NGRN: variants seen among roughly 807,000 people sequenced by gnomAD.
NGRN encodes the protein neugrin, neurite outgrowth associated.
NGRN carries 12 observed loss-of-function variants against 13.1 expected under a neutral mutation model. That is an observed-to-expected ratio of 0.92 (90% CI 0.59 to 1.49). NGRN has a LOEUF of 1.49. NGRN is among the 40% of genes most tolerant of loss of function. The pLI, the probability that NGRN is intolerant of heterozygous loss-of-function variation, is 0.00. For missense variants in NGRN, 397 were observed against 357.0 expected (o/e 1.11, Z -0.90); for synonymous variants, 149 against 145.8 (o/e 1.02, Z -0.16).
At position 90,271,465 on chromosome 15, in the gene NGRN, C is replaced by G; in HGVS notation, c.553C>G (p.Pro185Ala). 6.2e-7 allele frequency: 1 copy of G among 1,614,046 alleles called. No homozygotes were observed. Among genetic ancestry groups the G allele is most frequent in the South Asian group, 1.1e-5 (1 of 91,082 alleles). Reference protein sequence around the residue: ...MPGHEASSKDPNHSTALKVIE... With the variant: ...MPGHEASSKDANHSTALKVIE... ...AGGGCATGAAGCCTCATCTAAAGAC[C>G]CAAATCACAGCACAGCTTTGAAAGT... The change falls in exon 3 of 3, where the codon CCA (proline) becomes GCA (alanine). Residue 185 changes from proline (P) to alanine (A), a missense_variant. By Grantham distance (27) the Pro-to-Ala change is conservative. Coordinates refer to ENST00000379095, the MANE Select transcript of NGRN (RefSeq NM_001033088.3).
intron 2 of NGRN, among the ~76,000 whole-genome samples, chr15:90,270,529 G>C (rs938631106): frequency 1.3e-5 from 2 of 152,080 alleles, no homozygotes; most frequent in African/African-American, 4.8e-5. Context: ...CTCCCTCCTG[G>C]GGTGCTGTCT....
chr15:90,269,981 A>G (rs1481335248), intron 2 of NGRN, among the ~76,000 whole-genome samples: 2 of 152,202 alleles, frequency 1.3e-5, no homozygotes, highest in African/African-American at 2.4e-5. Flanking sequence ...ACTCGAGACT[A>G]TCTGGATTAC....
chr15:90,267,063 A>G (rs1254759327), intron 2 of NGRN, among the ~76,000 whole-genome samples: 1 of 141,048 alleles, frequency 7.1e-6, no homozygotes, highest in Non-Finnish European at 1.5e-5. Context: ...TGGGGGTCTC[A>G]CTCTGTCGCC....
chr15:90,268,469 ATACTC>A (rs1196350632), intron 2 of NGRN, among the ~76,000 whole-genome samples: 1 of 150,882 alleles, frequency 6.6e-6, no homozygotes, highest in African/African-American at 2.4e-5. Flanking sequence ...TCTCAAACTT[ATACTC>A]TACTCCCATT....
intron 2 of NGRN, among the ~76,000 whole-genome samples, chr15:90,268,714 A>G (rs1251664722): frequency 1.3e-5 from 2 of 152,076 alleles, no homozygotes; most frequent in East Asian, 1.9e-4. Context: ...GCTAGGCTCA[A>G]AAAGACACTT....
chr15:90,271,196 A>C lies in NGRN; in HGVS notation c.284A>C (p.His95Pro). Residue 95 changes from histidine (H) to proline (P), a missense_variant, in exon 3 of 3, where the codon CAT (histidine) becomes CCT (proline). Transcript: ENST00000379095. ...WEAMEQIRYL[H>P]EEFPESWSVP... is the part of the protein sequence containing the mutation. ...GCTCCTTCTTCCCGTAGGTATTTAC[A>C]TGAGGAATTTCCAGAGTCCTGGTCA... 4 of 1,610,586 alleles carry C rather than the reference A, an allele frequency of 2.5e-6. No homozygotes were observed. Among genetic ancestry groups the C allele is most frequent in the Non-Finnish European group, 3.4e-6 (4 of 1,178,448 alleles).
At chr15:90,270,534 C>G (rs1197584141) in intron 2 of NGRN, among the ~76,000 whole-genome samples, 1 of 152,152 alleles carries the variant, frequency 6.6e-6, no homozygotes, top group African/African-American at 2.4e-5. Context: ...TCCTGGGGTG[C>G]TGTCTTTGCA....
At position 90,265,686 on chromosome 15, in the gene NGRN, G is replaced by A. The variant is rs373605779; in HGVS notation, c.-27G>A. ...CTACTTCCGCTGCTGTTTCGTAGCC[G>A]ACTGCTGAAGGCTGGTTTGCGTCGA... On this transcript the variant is annotated 5_prime_UTR_variant, in exon 1 of 3. Transcript: ENST00000379095. 1.7e-5 allele frequency: 27 copies of A among 1,612,330 alleles called. No individual in the cohort carries two copies. In the East Asian group the frequency reaches 2.0e-4, roughly 12 times the overall value.
rs747511189 is a variant in NGRN, at chr15:90,271,511, G to A, written c.599G>A (p.Arg200Lys). Residue 200 changes from arginine to lysine, a missense_variant, in exon 3 of 3, where the codon AGG (arginine) becomes AAG (lysine). Coordinates refer to ENST00000379095, the MANE Select transcript of NGRN (RefSeq NM_001033088.3). Reference sequence around the variant, plus strand: ...AAAGTGATAGAGTCAGACACTCACAGGACAAATACACCAAGGAGAAGGAAG... The same window carrying A: ...AAAGTGATAGAGTCAGACACTCACAAGACAAATACACCAAGGAGAAGGAAG... ...ALKVIESDTH[R>K]TNTPRRRKGR... 6.2e-7 allele frequency: 1 copy of A among 1,614,080 alleles called. No individual in the cohort carries two copies. Among genetic ancestry groups the A allele is most frequent in the South Asian group, 1.1e-5 (1 of 91,076 alleles).
chr15:90,266,164 C>T, intron 1 of NGRN, 124 bp from the exon 2 acceptor site: 3 of 1,475,906 alleles, frequency 2.0e-6, no homozygotes, highest in Non-Finnish European at 2.7e-6. Context: ...AAGCCGGCAA[C>T]ATGGCCCGGT....
In NGRN at chr15:90,271,756, G is replaced by A; in HGVS notation, c.844G>A (p.Asp282Asn). Reference sequence around the variant, plus strand: ...AGTGCAGAGGGGCCGAGAGTTCTTTGACAGCAACGGGAACTTCCTGTACAG... The same window carrying A: ...AGTGCAGAGGGGCCGAGAGTTCTTTAACAGCAACGGGAACTTCCTGTACAG... Reference protein sequence around the residue: ...KVVQRGREFFDSNGNFLYRI With the variant: ...KVVQRGREFFNSNGNFLYRI Residue 282 changes from aspartate to asparagine, a missense_variant, in exon 3 of 3, where the codon GAC (aspartate) becomes AAC (asparagine). Asp to Asn is a conservative substitution (Grantham distance 23). Coordinates refer to ENST00000379095, the MANE Select transcript of NGRN (RefSeq NM_001033088.3). 6.2e-7 allele frequency: 1 copy of A among 1,614,164 alleles called. No homozygotes were observed. Among genetic ancestry groups the A allele is most frequent in the Non-Finnish European group, 8.5e-7 (1 of 1,180,044 alleles).
Position 90,265,763 on chromosome 15 carries a change from C to A in NGRN, c.51C>A (p.Val17=), listed in dbSNP as rs1468103055. The change falls in exon 1 of 3, where the codon GTC becomes GTA. Residue 17 remains valine (V), a synonymous_variant. Transcript: ENST00000379095. ...LLLGGRVCAA[V]TRCGFATRGV... ...TGGGCGGGCGCGTTTGCGCCGCCGT[C>A]ACTCGCTGTGGGTTCGCGACCCGGG... 6.2e-7 allele frequency: 1 copy of A among 1,613,290 alleles called. No homozygotes were observed. Among genetic ancestry groups the A allele is most frequent in the East Asian group, 2.2e-5 (1 of 44,840 alleles).
At chr15:90,267,855 C>T (rs982880150) in intron 2 of NGRN, among the ~76,000 whole-genome samples, 6 of 152,176 alleles carry the variant, frequency 3.9e-5, no homozygotes, top group African/African-American at 1.4e-4. Context: ...AGTAGCCCTA[C>T]ATAGATTATG....
intron 2 of NGRN, among the ~76,000 whole-genome samples, chr15:90,269,727 C>G (rs1422881867): frequency 6.6e-6 from 1 of 152,144 alleles, no homozygotes; most frequent in Non-Finnish European, 1.5e-5. Flanking sequence ...CCAGACATCT[C>G]TGTTTTGGAT....
chr15:90,269,162 A>ATTTTTTTTTT (rs34266380), intron 2 of NGRN, among the ~76,000 whole-genome samples: 293 of 89,616 alleles, frequency 3.3e-3, no homozygotes, highest in African/African-American at 7.0e-3. Context: ...TACCTGGCTA[A>ATTTTTTTTTT]TTTTTTTTTT....
chr15:90,265,893 G>A lies in NGRN; in HGVS notation c.164+17G>A, dbSNP rs752957934. 6.5e-7 allele frequency: 1 copy of A among 1,527,616 alleles called. No homozygotes were observed. Among genetic ancestry groups the A allele is most frequent in the Non-Finnish European group, 8.8e-7 (1 of 1,139,278 alleles). 94.6% of individuals were successfully genotyped at this position (1,527,616 alleles called of 1,614,324 possible). A position where few individuals can be genotyped will look rare whatever the true frequency, so the allele number is the denominator to read the frequency against. On this transcript the variant is annotated intron_variant, in intron 1 of 2. Transcript: ENST00000379095. ...GGTGGAGAGGTACCGGCTTCTCCCC[G>A]GGCCCTCAGCTTGAAGCAGGGCCTC...
rs749337538 is a variant in NGRN at position 90,271,577 on chromosome 15, T to A, written c.665T>A (p.Val222Glu). ...KEIQDLEESFVPVAAPLGHPR... is the reference protein window; with the variant it reads ...KEIQDLEESFEPVAAPLGHPR... Reference sequence around the variant, plus strand: ...ATCCAGGACCTGGAGGAGAGCTTTGTGCCTGTTGCTGCACCCCTAGGTCAT... The same window carrying A: ...ATCCAGGACCTGGAGGAGAGCTTTGAGCCTGTTGCTGCACCCCTAGGTCAT... The change falls in exon 3 of 3, where the codon GTG becomes GAG. Residue 222 changes from valine to glutamate, a missense_variant. By Grantham distance (121) the Val-to-Glu change is moderately radical (BLOSUM62 -2). Coordinates refer to ENST00000379095, the MANE Select transcript of NGRN (RefSeq NM_001033088.3). The A allele has an allele frequency of 6.2e-6, 10 of 1,614,042 alleles. No individual in the cohort carries two copies. The highest frequency in any genetic ancestry group is 8.5e-6 in the Non-Finnish European group (10 of 1,180,038).
At position 90,271,752 on chromosome 15, in the gene NGRN, C is replaced by T. The variant is rs774758971; in HGVS notation, c.840C>T (p.Phe280=). The T allele has an allele frequency of 1.9e-6, 3 of 1,614,152 alleles. No homozygotes were observed. The highest frequency in any genetic ancestry group is 2.2e-5 in the South Asian group (2 of 91,082). Residue 280 remains phenylalanine (F), a synonymous_variant, in exon 3 of 3, where the codon TTC becomes TTT. Transcript: ENST00000379095. ...AAGTAGTGCAGAGGGGCCGAGAGTT[C>T]TTTGACAGCAACGGGAACTTCCTGT... The part of the protein sequence containing the change: ...SSKVVQRGRE[F]FDSNGNFLYR...
Position 90,271,623 on chromosome 15 carries a change from C to T in NGRN, c.711C>T (p.Tyr237=). Residue 237 remains tyrosine, a synonymous_variant, in exon 3 of 3, where the codon TAC becomes TAT. Coordinates refer to ENST00000379095, the MANE Select transcript of NGRN (RefSeq NM_001033088.3). ...GTCATCCAAGAGAGCTGCAGAAGTA[C>T]TCCAGTGATTCTGAGAGCCCCAGAG... is the stretch of plus-strand genomic sequence containing the variant. ...PLGHPRELQK[Y]SSDSESPRGT... is the part of the protein sequence containing the mutation. 1 of 1,614,178 alleles carries T rather than the reference C, an allele frequency of 6.2e-7. No homozygotes were observed. Among genetic ancestry groups the T allele is most frequent in the Non-Finnish European group, 8.5e-7 (1 of 1,180,038 alleles).
Sources: allele counts gnomAD v4.1 joint callset (sites outside exome capture counted in the v4.1 genomes callset), GRCh38; gene constraint gnomAD v4.1.1; transcripts MANE v1.5; gene names NCBI Gene and HGNC (gene_info 2026-07-23, HGNC 2026-07-21).